LRP6: variants seen among roughly 807,000 people sequenced by gnomAD.
LRP6 encodes LDL receptor related protein 6, also known as low-density lipoprotein receptor-related protein 6.
A neutral mutation model predicts 184.1 loss-of-function variants in LRP6; 43 were observed. The observed-to-expected ratio is 0.23, with a 90% CI of 0.18 to 0.30. The LOEUF (loss-of-function observed/expected upper bound fraction) is 0.30. Among genes scored for constraint, LRP6 ranks in the 10% least tolerant of loss-of-function variants. The pLI is 1.00. For missense variants in LRP6, 1,571 were observed against 2,005.3 expected (o/e 0.78, Z 4.14); for synonymous variants, 719 against 684.9 (o/e 1.05, Z -0.78).
intron 10 of LRP6, 46 bp from the exon 11 acceptor site, chr12:12,160,010 C>A: frequency 1.4e-6 from 2 of 1,391,214 alleles, no homozygotes; most frequent in South Asian, 1.3e-5. Context: ...TTTTTATTAT[C>A]TGGGGGAAAG....
At position 12,122,894 on chromosome 12, in the gene LRP6, C is replaced by T. The variant is rs77318310; in HGVS notation, c.4548-1474G>A. On this transcript the variant is annotated intron_variant, in intron 22 of 22. Transcript: ENST00000261349. Reference sequence around the variant, plus strand: ...TGCCAGAGACCAAAAGTTATATGACCCACTGAGTGAGTTCTCAAAGGCTTT... The same window carrying T: ...TGCCAGAGACCAAAAGTTATATGACTCACTGAGTGAGTTCTCAAAGGCTTT... 9.2e-3 allele frequency among the ~76,000 whole-genome samples: 1,397 copies of T among 152,014 alleles called. 11 individuals are homozygous for T. Among genetic ancestry groups the T allele is most frequent in the Non-Finnish European group, 0.014 (969 of 67,958 alleles).
rs774348156 is a variant in LRP6, at chr12:12,138,353, T to G, written c.3579A>C (p.Ala1193=). ...ARIAQLSDIH[A]VKELNLQEYR... ...ATTCTTGAAGGTTCAGCTCCTTTAC[T>G]GCATGAATGTCACTAAGCTGGGCAA... Residue 1193 remains alanine (A), a synonymous_variant, in exon 16 of 23, where the codon GCA becomes GCC. Transcript: ENST00000261349. 10 of 1,614,074 alleles carry G rather than the reference T, an allele frequency of 6.2e-6. No homozygotes were observed. The East Asian group carries it at 1.6e-4, about 25-fold the overall frequency.
rs1017386397 is a variant in LRP6, at chr12:12,164,453, C to G, written c.1872G>C (p.Met624Ile). 8.1e-6 allele frequency: 13 copies of G among 1,614,022 alleles called. No individual in the cohort carries two copies. Among genetic ancestry groups the G allele is most frequent in the Non-Finnish European group, 1.0e-5 (12 of 1,180,024 alleles). Reference sequence around the variant, plus strand: ...AAGCCTCTGGGACAATGCAGGTCTTCATGTCACTGATGAGTTCAAAGCCAA... The same window carrying G: ...AAGCCTCTGGGACAATGCAGGTCTTGATGTCACTGATGAGTTCAAAGCCAA... ...CPIGFELISD[M>I]KTCIVPEAFL... is the part of the protein sequence containing the mutation. Residue 624 changes from methionine (M) to isoleucine (I), a missense_variant, in exon 9 of 23, where the codon ATG (methionine) becomes ATC (isoleucine). Physicochemically the swap from Met to Ile is conservative, Grantham distance 10. Coordinates refer to ENST00000261349, the MANE Select transcript of LRP6 (RefSeq NM_002336.3).
At chr12:12,241,762 A>G (rs1474834754) in intron 2 of LRP6, among the ~76,000 whole-genome samples, 4 of 152,190 alleles carry the variant, frequency 2.6e-5, no homozygotes, top group African/African-American at 9.7e-5. Context: ...GTTATTCTTC[A>G]CTGAACCACC....
chr12:12,226,824 A>G (rs1035683286), intron 2 of LRP6: 7 of 152,168 alleles, frequency 4.6e-5, no homozygotes, highest in Admixed American at 2.0e-4. Flanking sequence ...CAATTATTAT[A>G]CAAAAGGTAC....
intron 2 of LRP6, among the ~76,000 whole-genome samples, chr12:12,220,603 T>G (rs911526359): frequency 3.8e-4 from 57 of 151,004 alleles, no homozygotes; most frequent in African/African-American, 1.3e-3. Context: ...TTCTTAGTTT[T>G]TTTTTTTTTT....
Position 12,219,711 on chromosome 12 carries a change from A to C in LRP6, c.450-16311T>G, listed in dbSNP as rs1864437657. 2.0e-5 allele frequency among the ~76,000 whole-genome samples: 3 copies of C among 152,222 alleles called. 1 individual carries two copies. The highest frequency in any genetic ancestry group is 2.0e-4 in the Admixed American group (3 of 15,276). ...ATCGAATCCACTTTCCTATGTTTGG[A>C]GAATTCTTCACTTTATAAGGCAGAA... is the stretch of plus-strand genomic sequence containing the variant. On this transcript the variant is annotated intron_variant, in intron 2 of 22. Transcript: ENST00000261349.
chr12:12,147,808 C>CA (rs1950030950), intron 14 of LRP6, among the ~76,000 whole-genome samples: 1 of 151,748 alleles, frequency 6.6e-6, no homozygotes, highest in African/African-American at 2.4e-5. Flanking sequence ...CCCATTTCTA[C>CA]AAAAAATACC....
At chr12:12,121,481 CTCAGAATA>C in intron 22 of LRP6, 61 bp from the exon 23 acceptor site, 2 of 1,485,804 alleles carry the variant, frequency 1.3e-6, no homozygotes, top group Non-Finnish European at 1.9e-6. Flanking sequence ...GATTTCCCCT[CTCAGAATA>C]GAGGTATTAG....
chr12:12,214,781 T>C (rs1461673762), intron 2 of LRP6, among the ~76,000 whole-genome samples: 4 of 152,202 alleles, frequency 2.6e-5, no homozygotes, highest in Non-Finnish European at 4.4e-5. Context: ...TGGATAAACA[T>C]AGAAGTTGAC....
intron 2 of LRP6, among the ~76,000 whole-genome samples, chr12:12,230,895 G>A (rs998079400): frequency 1.3e-5 from 2 of 152,080 alleles, no homozygotes; most frequent in Non-Finnish European, 2.9e-5. Context: ...GTAAAAAGCA[G>A]TACATGGCCA....
At chr12:12,162,486 G>A (rs1244102712) in intron 9 of LRP6, 67 bp from the exon 10 acceptor site, 1 of 1,425,934 alleles carries the variant, frequency 7.0e-7, no homozygotes, top group Non-Finnish European at 9.9e-7. Flanking sequence ...AAGAAGGTTT[G>A]GTTTGGTTTT....
Position 12,174,446 on chromosome 12 carries a change from A to G in LRP6, c.1545+5364T>C, listed in dbSNP as rs557960639. Among the ~76,000 whole-genome samples the G allele has an allele frequency of 3.9e-5, 6 of 152,236 alleles. No individual in the cohort carries two copies. The South Asian group carries it at 8.3e-4, about 21-fold the overall frequency. On this transcript the variant is annotated intron_variant, in intron 7 of 22. Transcript: ENST00000261349. ...GGTATAATCAATTTTAAGAAACACA[A>G]TGTTACAAATTGGCAAAGATTCAAA...
chr12:12,260,220 A>G (rs1002862926), intron 1 of LRP6, among the ~76,000 whole-genome samples: 15 of 152,096 alleles, frequency 9.9e-5, no homozygotes, highest in African/African-American at 3.6e-4. Context: ...CCACTAAAAT[A>G]CAAAAAAAAT....
intron 2 of LRP6, among the ~76,000 whole-genome samples, chr12:12,229,093 C>T (rs1486436284): frequency 3.3e-5 from 5 of 152,036 alleles, no homozygotes; most frequent in African/African-American, 1.2e-4. Context: ...AATATCGGCC[C>T]GGCACAACGG....
chr12:12,236,227 A>AGAAT (rs1864929726), intron 2 of LRP6, among the ~76,000 whole-genome samples: 1 of 151,962 alleles, frequency 6.6e-6, no homozygotes, highest in Non-Finnish European at 1.5e-5. Flanking sequence ...ACTCCGTCTC[A>AGAAT]AAATAAATAA....
At chr12:12,199,681 C>T (rs983491455) in intron 3 of LRP6, among the ~76,000 whole-genome samples, 3 of 151,790 alleles carry the variant, frequency 2.0e-5, no homozygotes, top group African/African-American at 7.3e-5. Flanking sequence ...TAAAACAAGG[C>T]TCGGCCAGGC....
At chr12:12,260,284 A>G (rs1317732402) in intron 1 of LRP6, among the ~76,000 whole-genome samples, 1 of 151,976 alleles carries the variant, frequency 6.6e-6, no homozygotes, top group Non-Finnish European at 1.5e-5. Flanking sequence ...AGGCTGAGGC[A>G]GGAGAATGGC....
chr12:12,263,059 G>A lies in LRP6; in HGVS notation c.55+3622C>T, dbSNP rs867604224. ...ACCTGAGGTCGGGAGTTCGAGACCAGCCTGACCAACAAGGAGAAACCCCAT... is the reference window on the plus strand; with the variant it reads ...ACCTGAGGTCGGGAGTTCGAGACCAACCTGACCAACAAGGAGAAACCCCAT... On this transcript the variant is annotated intron_variant, in intron 1 of 22. Coordinates refer to ENST00000261349, the MANE Select transcript of LRP6 (RefSeq NM_002336.3). Among the ~76,000 whole-genome samples, 17 of 145,620 alleles carry A rather than the reference G, an allele frequency of 1.2e-4. No individual in the cohort carries two copies. In the South Asian group the frequency reaches 1.3e-3, roughly 11 times the overall value.
Sources: allele counts gnomAD v4.1 joint callset (sites outside exome capture counted in the v4.1 genomes callset), GRCh38; gene constraint gnomAD v4.1.1; transcripts MANE v1.5; gene names NCBI Gene and HGNC (gene_info 2026-07-23, HGNC 2026-07-21).